Variants in ABCA1 observed in about 807,000 individuals in gnomAD.
ABCA1 encodes phospholipid-transporting ATPase ABCA1.
A neutral mutation model predicts 262.5 loss-of-function variants in ABCA1; 133 were observed. The observed-to-expected ratio is 0.51, with a 90% CI of 0.44 to 0.59. The LOEUF is 0.59. Among genes scored for constraint, ABCA1 ranks in the 20% least tolerant of loss-of-function variants. The pLI is 0.00. For synonymous variants in ABCA1, 1,022 were observed against 1,043.5 expected (o/e 0.98, Z 0.40); for missense variants, 2,452 against 2,777.5 (o/e 0.88, Z 2.63).
chr9:104,840,894 G>A (rs181419513), intron 8 of ABCA1, among the ~76,000 whole-genome samples: 6 of 151,896 alleles, frequency 4.0e-5, no homozygotes, highest in Non-Finnish European at 7.4e-5. Context: ...GCTGGGCTTC[G>A]TTTCACCGGG....
At chr9:104,870,152 A>G (rs188061592) in intron 5 of ABCA1, among the ~76,000 whole-genome samples, 144 of 152,358 alleles carry the variant, frequency 9.5e-4, no homozygotes, top group African/African-American at 3.2e-3. Context: ...TGGGAATACC[A>G]TAACTTTAGG....
chr9:104,798,291 A>C, intron 37 of ABCA1, 130 bp downstream of exon 37: 1 of 1,119,298 alleles, frequency 8.9e-7, no homozygotes, highest in Non-Finnish European at 1.3e-6. Flanking sequence ...GCCTCTGGCT[A>C]TTTCTTTTTC....
Position 104,783,993 on chromosome 9 carries a change from CAAA to C in ABCA1, c.*319_*321del, listed in dbSNP as rs557492263. ...CAACCCCAATGAGAATACACAGGAACAAAAAAAAAAAAAAAAGTGTGAGTTCAA... is the reference window on the plus strand; with the variant it reads ...CAACCCCAATGAGAATACACAGGAACAAAAAAAAAAAAAGTGTGAGTTCAA... On this transcript the variant is annotated 3_prime_UTR_variant, in exon 50 of 50. Transcript: ENST00000374736. 6.8e-3 allele frequency: 914 copies of C among 134,338 alleles called. No individual in the cohort carries two copies. The highest frequency in any genetic ancestry group is 0.012 in the South Asian group (111 of 9,000). 8.3% of individuals were successfully genotyped at this position (134,338 alleles called of 1,614,324 possible). A position where few individuals can be genotyped will look rare whatever the true frequency, so the allele number is the denominator to read the frequency against.
chr9:104,862,658 C>CAGGG (rs1564198400), intron 5 of ABCA1, among the ~76,000 whole-genome samples: 74 of 5,182 alleles, frequency 0.014, 15 homozygotes, highest in African/African-American at 0.05. Context: ...CCGGGCCGGG[C>CAGGG]CGGGCCGGGC....
chr9:104,822,808 T>C (rs1832482936), intron 18 of ABCA1, 141 bp from the exon 19 acceptor site: 1 of 925,034 alleles, frequency 1.1e-6, no homozygotes, highest in Non-Finnish European at 1.7e-6. Context: ...CAGGAGGCTA[T>C]AAATGTTTAT....
At chr9:104,800,396 T>C in intron 35 of ABCA1, 114 bp downstream of exon 35, 1 of 969,528 alleles carries the variant, frequency 1.0e-6, no homozygotes. Flanking sequence ...GTTAATAGTT[T>C]GCTCTTTTCT....
intron 37 of ABCA1, 76 bp from the exon 38 acceptor site, chr9:104,796,500 T>A (rs973164978): frequency 5.2e-6 from 6 of 1,143,496 alleles, no homozygotes; most frequent in Non-Finnish European, 7.8e-6. Flanking sequence ...TTCACCATTA[T>A]CAGACAAGAA....
At position 104,836,981 on chromosome 9, in the gene ABCA1, C is replaced by G; in HGVS notation, c.1310G>C (p.Arg437Pro). 1 of 1,612,586 alleles carries G rather than the reference C, an allele frequency of 6.2e-7. No individual in the cohort carries two copies. Residue 437 changes from arginine to proline, a missense_variant and splice_region_variant, in exon 11 of 50, where the codon CGG (arginine) becomes CCG (proline). Transcript: ENST00000374736. ...MENSQEMDLV[R>P]MLLDSRDNDH... ...GGTAATAATGGGAGGGACACTCACC[C>G]GGACAAGGTCCATTTCTTGGCTGTT...
intron 7 of ABCA1, among the ~76,000 whole-genome samples, chr9:104,849,294 G>C (rs2078247890): frequency 6.6e-6 from 1 of 152,140 alleles, no homozygotes; most frequent in African/African-American, 2.4e-5. Flanking sequence ...GTGGGCATCA[G>C]ATTTTTACAT....
At chr9:104,890,369 C>A (rs1839605537) in intron 2 of ABCA1, among the ~76,000 whole-genome samples, 1 of 152,100 alleles carries the variant, frequency 6.6e-6, no homozygotes, top group South Asian at 2.1e-4. Flanking sequence ...CAGCTGAGGT[C>A]AGGAATTCGA....
At chr9:104,786,562 T>C (rs1156539097) in intron 47 of ABCA1, among the ~76,000 whole-genome samples, 172 bp from the exon 48 acceptor site, 1 of 152,148 alleles carries the variant, frequency 6.6e-6, no homozygotes, top group Non-Finnish European at 1.5e-5. Context: ...TGTGAACAAG[T>C]TGGAAATAAT....
chr9:104,843,326 C>T (rs1024493441), intron 8 of ABCA1, among the ~76,000 whole-genome samples: 9 of 152,204 alleles, frequency 5.9e-5, no homozygotes, highest in African/African-American at 2.2e-4. Flanking sequence ...CCTCCCTGTC[C>T]TCCCTTCCCA....
intron 1 of ABCA1, among the ~76,000 whole-genome samples, chr9:104,914,159 A>G (rs1588583859): frequency 1.3e-5 from 2 of 151,544 alleles, no homozygotes; most frequent in East Asian, 4.0e-4. Flanking sequence ...TCCAGCCTCT[A>G]TGTCCATTAG....
chr9:104,802,033 A>G, intron 34 of ABCA1, 21 bp downstream of exon 34: 1 of 1,610,954 alleles, frequency 6.2e-7, no homozygotes, highest in Admixed American at 1.7e-5. Flanking sequence ...TTTCTGATAC[A>G]TCTTACGATA....
At chr9:104,800,454 G>T in intron 35 of ABCA1, 56 bp downstream of exon 35, 1 of 1,534,048 alleles carries the variant, frequency 6.5e-7, no homozygotes, top group Non-Finnish European at 9.0e-7. Flanking sequence ...AGTACTCCAG[G>T]AAACATAAGG....
rs1396649065 is a variant in ABCA1 at position 104,827,026 on chromosome 9, G to A, written c.2259C>T (p.Ile753=). ...ANLAAACGGI[I]YFTLYLPYVL... is the part of the protein sequence containing the mutation. ...CGTAGGGCAGGTACAGCGTGAAGTA[G>A]ATGATGCCCCCACAGGCTGCTGCCA... is the stretch of plus-strand genomic sequence containing the variant. The change falls in exon 16 of 50, where the codon ATC becomes ATT. Residue 753 remains isoleucine (I), a synonymous_variant. Transcript: ENST00000374736. 1 of 1,614,242 alleles carries A rather than the reference G, an allele frequency of 6.2e-7. No individual in the cohort carries two copies. The highest frequency in any genetic ancestry group is 2.2e-5 in the East Asian group (1 of 44,884).
intron 24 of ABCA1, 132 bp from the exon 25 acceptor site, chr9:104,816,477 T>A (rs1281925010): frequency 2.4e-6 from 2 of 832,820 alleles, no homozygotes; most frequent in Non-Finnish European, 4.0e-6. Flanking sequence ...TTTAGGTCAT[T>A]CCACATGTTC....
At chr9:104,821,737 C>T (rs540324497) in intron 19 of ABCA1, among the ~76,000 whole-genome samples, 15 of 152,226 alleles carry the variant, frequency 9.9e-5, no homozygotes, top group Non-Finnish European at 1.6e-4. Context: ...ATTTTTTAAA[C>T]GAAGTTTCCA....
chr9:104,860,880 A>G (rs951163979), intron 6 of ABCA1, among the ~76,000 whole-genome samples: 2 of 149,052 alleles, frequency 1.3e-5, no homozygotes, highest in Non-Finnish European at 3.0e-5. Context: ...TCTCAGCCTC[A>G]CGAGTAGCTG....
Sources: allele counts gnomAD v4.1 joint callset (sites outside exome capture counted in the v4.1 genomes callset), GRCh38; gene constraint gnomAD v4.1.1; transcripts MANE v1.5; gene names NCBI Gene and HGNC (gene_info 2026-07-23, HGNC 2026-07-21).